The following SRD5A2 variants were observed in gnomAD, a reference collection of about 807,000 sequenced individuals.
SRD5A2 encodes the protein 3-oxo-5-alpha-steroid 4-dehydrogenase 2.
SRD5A2 carries 30 observed loss-of-function variants against 27.4 expected under a neutral mutation model. The observed-to-expected ratio is 1.10, with a 90% CI of 0.82 to 1.49. SRD5A2 has a LOEUF of 1.49. Ranked by LOEUF, SRD5A2 falls within the 40% of genes most tolerant of loss-of-function variation. The pLI is 0.00. For missense variants in SRD5A2, 348 were observed against 323.4 expected (o/e 1.08, Z -0.58); for synonymous variants, 141 against 133.6 (o/e 1.06, Z -0.38).
the SRD5A2 span, among the ~76,000 whole-genome samples, chr2:31,625,708 G>A: frequency 6.6e-6 from 1 of 151,948 alleles, no homozygotes; most frequent in Non-Finnish European, 1.5e-5. Context: ...CTGTTCTGTT[G>A]CATTGATCTA....
chr2:31,571,553 GA>G, intron 1 of SRD5A2, among the ~76,000 whole-genome samples: 1 of 151,470 alleles, frequency 6.6e-6, no homozygotes, highest in African/African-American at 2.4e-5. Flanking sequence ...TTCTGCACAG[GA>G]AAAAAAACTA....
the SRD5A2 span, among the ~76,000 whole-genome samples, chr2:31,590,371 TC>T: frequency 6.6e-6 from 1 of 152,118 alleles, no homozygotes. Context: ...GGTTTGCAGT[TC>T]TCCTTGAAGA....
chr2:31,569,297 G>A (rs905794816), intron 1 of SRD5A2, among the ~76,000 whole-genome samples: 2 of 152,214 alleles, frequency 1.3e-5, no homozygotes, highest in Non-Finnish European at 2.9e-5. Flanking sequence ...TATATGATAG[G>A]TATATGTTTC....
chr2:31,525,208 AGAAGCTCC>A lies in SRD5A2; in HGVS notation c.*980_*987del, dbSNP rs938483947. On this transcript the variant is annotated 3_prime_UTR_variant, in exon 5 of 5. Coordinates refer to ENST00000622030, the MANE Select transcript of SRD5A2 (RefSeq NM_000348.4). ...GAACAGGTCCTGAGAACTACAAGGAAGAAGCTCCAGGAAAGGAAAGTTGCTTGGGGCTT... is the reference window on the plus strand; with the variant it reads ...GAACAGGTCCTGAGAACTACAAGGAAAGGAAAGGAAAGTTGCTTGGGGCTT... 57 of 222,650 alleles carry A rather than the reference AGAAGCTCC, an allele frequency of 2.6e-4. No individual in the cohort carries two copies. Among genetic ancestry groups the A allele is most frequent in the Non-Finnish European group, 4.7e-4 (52 of 111,378 alleles). 13.8% of individuals were successfully genotyped at this position (222,650 alleles called of 1,614,324 possible).
the SRD5A2 span, among the ~76,000 whole-genome samples, chr2:31,630,250 A>C: frequency 2.0e-5 from 3 of 152,156 alleles, no homozygotes; most frequent in East Asian, 5.8e-4. Context: ...ATGAAAACGT[A>C]AGAGATTAGG....
At chr2:31,571,137 G>T (rs1471897817) in intron 1 of SRD5A2, among the ~76,000 whole-genome samples, 1 of 152,206 alleles carries the variant, frequency 6.6e-6, no homozygotes, top group Admixed American at 6.5e-5. Flanking sequence ...CAAGGCTACA[G>T]TAACCAAAAC....
intron 1 of SRD5A2, among the ~76,000 whole-genome samples, chr2:31,556,159 A>T (rs1192450385): frequency 6.6e-6 from 1 of 152,194 alleles, no homozygotes; most frequent in Non-Finnish European, 1.5e-5. Flanking sequence ...AACTACAAAC[A>T]TTGACAATAA....
intron 1 of SRD5A2, among the ~76,000 whole-genome samples, chr2:31,565,911 T>A (rs944896064): frequency 6.6e-6 from 1 of 152,060 alleles, no homozygotes; most frequent in Non-Finnish European, 1.5e-5. Context: ...ATTCTTTTCA[T>A]GTTTACACAG....
At chr2:31,592,158 T>TA in the SRD5A2 span, among the ~76,000 whole-genome samples, 5,304 of 140,694 alleles carry the variant, frequency 0.038, 132 homozygotes, top group South Asian at 0.088. Flanking sequence ...TTTCAGCAAT[T>TA]AAAAAAAAAA....
At chr2:31,655,364 G>T in the SRD5A2 span, among the ~76,000 whole-genome samples, 1 of 152,202 alleles carries the variant, frequency 6.6e-6, no homozygotes. Flanking sequence ...GCCTCCCAAA[G>T]TGCTGGGACT....
chr2:31,551,950 G>C (rs926201878), intron 1 of SRD5A2, among the ~76,000 whole-genome samples: 2 of 151,952 alleles, frequency 1.3e-5, no homozygotes, highest in Non-Finnish European at 2.9e-5. Context: ...AGGAAAATTA[G>C]CCTTTCAGTC....
At chr2:31,626,750 C>T in the SRD5A2 span, among the ~76,000 whole-genome samples, 156 of 152,166 alleles carry the variant, frequency 1.0e-3, no homozygotes, top group Non-Finnish European at 2.0e-3. Context: ...CTGCTGGATT[C>T]GGTTTGCCAG....
chr2:31,540,933 G>T (rs1306402200), intron 1 of SRD5A2, among the ~76,000 whole-genome samples: 1 of 152,208 alleles, frequency 6.6e-6, no homozygotes, highest in Non-Finnish European at 1.5e-5. Flanking sequence ...AGACAAAGAG[G>T]TGGTGGGTCT....
chr2:31,531,787 A>G (rs1254095564), intron 2 of SRD5A2, among the ~76,000 whole-genome samples: 1 of 152,218 alleles, frequency 6.6e-6, no homozygotes, highest in African/African-American at 2.4e-5. Flanking sequence ...TGCATGGATC[A>G]TAATAGTAAG....
upstream of SRD5A2, chr2:31,581,006 T>C: frequency 2.3e-6 from 3 of 1,288,764 alleles, no homozygotes; most frequent in Non-Finnish European, 3.1e-6. Context: ...CCCCTCGGCC[T>C]TGGCTCCCGC....
the SRD5A2 span, among the ~76,000 whole-genome samples, chr2:31,650,038 G>A: frequency 1.3e-5 from 2 of 152,016 alleles, no homozygotes; most frequent in African/African-American, 4.8e-5. Context: ...AACTAGCACT[G>A]GATGAAGGTT....
chr2:31,584,246 A>G (rs944490391), upstream of SRD5A2, among the ~76,000 whole-genome samples: 60 of 152,346 alleles, frequency 3.9e-4, 1 homozygote, highest in African/African-American at 1.3e-3. Flanking sequence ...AATGATCTAC[A>G]GAGTATTGGA....
the SRD5A2 span, among the ~76,000 whole-genome samples, chr2:31,629,269 G>A: frequency 6.6e-6 from 1 of 152,108 alleles, no homozygotes. Context: ...TCATTCCTTG[G>A]AATCCATGAG....
At chr2:31,602,233 T>C in the SRD5A2 span, among the ~76,000 whole-genome samples, 1 of 152,050 alleles carries the variant, frequency 6.6e-6, no homozygotes, top group Admixed American at 6.6e-5. Flanking sequence ...CAAAAATCAA[T>C]GTGCAAAAAT....
Sources: allele counts gnomAD v4.1 joint callset (sites outside exome capture counted in the v4.1 genomes callset), GRCh38; gene constraint gnomAD v4.1.1; transcripts MANE v1.5; gene names NCBI Gene and HGNC (gene_info 2026-07-23, HGNC 2026-07-21).